Variants in GULP1 observed in about 807,000 individuals in gnomAD.
GULP1 encodes the protein GULP PTB domain containing engulfment adaptor 1, also known as PTB domain-containing engulfment adapter protein 1.
Under a neutral mutation model 40.9 loss-of-function variants are expected in GULP1, and 19 were observed. That is an observed-to-expected ratio of 0.46 (90% confidence interval 0.32 to 0.68). The LOEUF (loss-of-function observed/expected upper bound fraction) is 0.68. Among genes scored for constraint, GULP1 ranks in the 30% least tolerant of loss-of-function variants. The pLI, the probability that GULP1 is intolerant of heterozygous loss-of-function variation, is 0.03. For synonymous variants in GULP1, 119 were observed against 117.6 expected, an observed-to-expected ratio of 1.01 and a Z score of -0.08; for missense variants, 312 against 362.2, an observed-to-expected ratio of 0.86 and a Z score of 1.12.
chr2:188,327,130 A>G (rs1574437788), intron 1 of GULP1, among the ~76,000 whole-genome samples: 1 of 152,186 alleles, frequency 6.6e-6, no homozygotes, highest in South Asian at 2.1e-4. Context: ...ACAAGTTTAC[A>G]TTTTGCATTG....
At chr2:188,497,670 A>G (rs2063034614) in intron 4 of GULP1, among the ~76,000 whole-genome samples, 2 of 151,936 alleles carry the variant, frequency 1.3e-5, no homozygotes, top group African/African-American at 2.4e-5. Flanking sequence ...CTAGGTGCAG[A>G]CTCCAGGTGT....
intron 11 of GULP1, chr2:188,589,904 C>G (rs976115916): frequency 9.8e-6 from 4 of 407,458 alleles, no homozygotes; most frequent in Non-Finnish European, 1.8e-5. Context: ...TTTTATAAAC[C>G]ACATTTTAAG....
At chr2:188,452,701 C>T (rs1380195433) in intron 2 of GULP1, among the ~76,000 whole-genome samples, 1 of 152,158 alleles carries the variant, frequency 6.6e-6, no homozygotes, top group Non-Finnish European at 1.5e-5. Flanking sequence ...TAGTCCAAAG[C>T]AATCCACAGT....
chr2:188,569,091 T>A, intron 7 of GULP1, 148 bp from the exon 8 acceptor site: 1 of 571,740 alleles, frequency 1.7e-6, no homozygotes, highest in East Asian at 3.0e-5. Context: ...CCTTGCTCAT[T>A]TAATACATCT....
chr2:188,321,811 GT>G (rs1349310953), intron 1 of GULP1, among the ~76,000 whole-genome samples: 1 of 152,022 alleles, frequency 6.6e-6, no homozygotes, highest in Non-Finnish European at 1.5e-5. Flanking sequence ...AAGGTCAGGA[GT>G]TTGAGACCAG....
In GULP1 at chr2:188,399,714, A is replaced by AAAC. The variant is rs1553540229; in HGVS notation, c.-45+15825_-45+15826insAAC. ...AGAAAAAAAAAAAAAAAAAAAAAAA[A>AAAC]CATCAAACTGTAATAACAATAAAAT... On this transcript the variant is annotated intron_variant, in intron 2 of 11. Transcript: ENST00000409830. Among the ~76,000 whole-genome samples the AAAC allele has an allele frequency of 6.1e-3, 800 of 130,944 alleles. 7 individuals are homozygous for AAAC. Among genetic ancestry groups the AAAC allele is most frequent in the Middle Eastern group, 9.6e-3 (2 of 208 alleles). The allele number at this position is 130,944 out of a possible 152,430, so 85.9% of individuals were successfully genotyped here.
At chr2:188,532,042 T>G (rs1687676118) in intron 6 of GULP1, among the ~76,000 whole-genome samples, 1 of 152,264 alleles carries the variant, frequency 6.6e-6, no homozygotes, top group Admixed American at 6.5e-5. Context: ...TTTCAATTTC[T>G]TATCTGAAGG....
At chr2:188,516,802 T>G (rs1196347464) in intron 4 of GULP1, among the ~76,000 whole-genome samples, 1 of 152,184 alleles carries the variant, frequency 6.6e-6, no homozygotes, top group Non-Finnish European at 1.5e-5. Flanking sequence ...GACCAATTCT[T>G]CAATTGTTCT....
intron 1 of GULP1, among the ~76,000 whole-genome samples, chr2:188,310,655 G>T (rs757950502): frequency 1.3e-5 from 2 of 152,148 alleles, no homozygotes; most frequent in Admixed American, 6.6e-5. Context: ...TTGGAAGTAG[G>T]GGGAAATCCT....
At chr2:188,523,701 T>C (rs1432987292) in intron 5 of GULP1, among the ~76,000 whole-genome samples, 1 of 152,170 alleles carries the variant, frequency 6.6e-6, no homozygotes. Context: ...CCAGGCAAAG[T>C]CAGAGACATT....
chr2:188,531,514 ATCT>A (rs1687530029), intron 6 of GULP1, among the ~76,000 whole-genome samples: 2 of 152,162 alleles, frequency 1.3e-5, no homozygotes, highest in Admixed American at 6.6e-5. Flanking sequence ...ATCCTGTCTA[ATCT>A]TCTCTATTAT....
intron 7 of GULP1, chr2:188,541,558 T>G (rs1690495053): frequency 5.1e-6 from 3 of 589,128 alleles, no homozygotes; most frequent in African/African-American, 1.9e-5. Flanking sequence ...ATTTCTTTTA[T>G]TAGAATGCCA....
chr2:188,468,362 A>G (rs1035177045), intron 2 of GULP1, among the ~76,000 whole-genome samples: 1 of 152,180 alleles, frequency 6.6e-6, no homozygotes, highest in African/African-American at 2.4e-5. Flanking sequence ...CTTCAAAATT[A>G]TTAAAGATTA....
At chr2:188,520,557 T>C (rs1303835361) in intron 4 of GULP1, among the ~76,000 whole-genome samples, 1 of 151,438 alleles carries the variant, frequency 6.6e-6, no homozygotes, top group Non-Finnish European at 1.5e-5. Context: ...AAGTAACTGT[T>C]GTCCCTTACA....
intron 2 of GULP1, among the ~76,000 whole-genome samples, chr2:188,443,721 C>G (rs1157047241): frequency 6.9e-6 from 1 of 145,940 alleles, no homozygotes; most frequent in Non-Finnish European, 1.5e-5. Flanking sequence ...GAGTCTTGCT[C>G]TGTCGCCCAG....
At chr2:188,508,550 A>G (rs1404359304) in intron 4 of GULP1, among the ~76,000 whole-genome samples, 2 of 151,880 alleles carry the variant, frequency 1.3e-5, no homozygotes, top group Non-Finnish European at 1.5e-5. Flanking sequence ...AAAGAGTACT[A>G]CACTCCTTTC....
intron 6 of GULP1, 140 bp from the exon 7 acceptor site, chr2:188,541,041 G>A (rs535000560): frequency 1.4e-6 from 1 of 699,488 alleles, no homozygotes; most frequent in African/African-American, 1.8e-5. Context: ...GTTTTAGGTT[G>A]GGGTGTACAT....
intron 2 of GULP1, among the ~76,000 whole-genome samples, chr2:188,408,650 T>C (rs1373729942): frequency 6.6e-6 from 1 of 152,152 alleles, no homozygotes; most frequent in East Asian, 1.9e-4. Context: ...GACTTGAACT[T>C]CTGTTTAGAC....
At chr2:188,551,793 T>C (rs1033315151) in intron 7 of GULP1, among the ~76,000 whole-genome samples, 7 of 151,740 alleles carry the variant, frequency 4.6e-5, no homozygotes, top group African/African-American at 1.7e-4. Flanking sequence ...TTTCCACCAA[T>C]AGTGCATAAA....
Sources: allele counts gnomAD v4.1 joint callset (sites outside exome capture counted in the v4.1 genomes callset), GRCh38; gene constraint gnomAD v4.1.1; transcripts MANE v1.5; gene names NCBI Gene and HGNC (gene_info 2026-07-23, HGNC 2026-07-21).